The following DPYSL3 variants were observed in gnomAD, a reference collection of about 807,000 sequenced individuals.
DPYSL3 encodes the protein dihydropyrimidinase like 3, also known as dihydropyrimidinase-related protein 3.
Under a neutral mutation model 66.1 loss-of-function variants are expected in DPYSL3, and 16 were observed. The observed-to-expected ratio is 0.24, with a 90% CI of 0.16 to 0.37. The LOEUF is 0.37. Among genes scored for constraint, DPYSL3 ranks in the 10% least tolerant of loss-of-function variants. DPYSL3 has a pLI of 1.00. For synonymous variants in DPYSL3, 338 were observed against 345.1 expected, an observed-to-expected ratio of 0.98 and a Z score of 0.23; for missense variants, 738 against 916.2, an observed-to-expected ratio of 0.81 and a Z score of 2.51.
chr5:147,505,297 T>C (rs151145874), intron 1 of DPYSL3, among the ~76,000 whole-genome samples: 1,783 of 151,438 alleles, frequency 0.012, 49 homozygotes, highest in African/African-American at 0.041. Context: ...TGCCATGGCG[T>C]GATCTTGGCT....
intron 12 of DPYSL3, among the ~76,000 whole-genome samples, chr5:147,396,575 G>A (rs192473107): frequency 5.0e-4 from 76 of 152,266 alleles, no homozygotes; most frequent in African/African-American, 1.7e-3. Context: ...CCCTGTTAGT[G>A]ACTCAAATGC....
chr5:147,457,966 A>T (rs958879466), intron 1 of DPYSL3, among the ~76,000 whole-genome samples: 7 of 152,150 alleles, frequency 4.6e-5, no homozygotes, highest in African/African-American at 1.7e-4. Context: ...ATCAGCTAAG[A>T]CCATCTAGGA....
At chr5:147,411,687 A>C (rs1751855531) in intron 6 of DPYSL3, among the ~76,000 whole-genome samples, 5 of 152,294 alleles carry the variant, frequency 3.3e-5, no homozygotes, top group African/African-American at 1.2e-4. Context: ...TAATGGTCCG[A>C]GATGAGGGGA....
chr5:147,463,751 C>T (rs146290976), intron 1 of DPYSL3, among the ~76,000 whole-genome samples: 3 of 152,160 alleles, frequency 2.0e-5, no homozygotes, highest in African/African-American at 4.8e-5. Context: ...GTCAAATGTC[C>T]GTCATGCCAG....
At chr5:147,437,597 G>A (rs781585400) in intron 1 of DPYSL3, among the ~76,000 whole-genome samples, 2 of 152,194 alleles carry the variant, frequency 1.3e-5, no homozygotes, top group Non-Finnish European at 1.5e-5. Context: ...AGGGCCCCAT[G>A]GAGAGTGTGG....
intron 4 of DPYSL3, 77 bp downstream of exon 4, chr5:147,415,632 T>A: frequency 1.3e-6 from 2 of 1,537,912 alleles, no homozygotes; most frequent in Non-Finnish European, 1.8e-6. Flanking sequence ...AGACAGTGAC[T>A]GAAATGAGTG....
intron 1 of DPYSL3, among the ~76,000 whole-genome samples, chr5:147,489,009 T>G (rs918001013): frequency 6.6e-6 from 1 of 150,432 alleles, no homozygotes; most frequent in Non-Finnish European, 1.5e-5. Context: ...GAGTGAGACT[T>G]CATCTAAAAA....
intron 1 of DPYSL3, among the ~76,000 whole-genome samples, chr5:147,432,566 C>T (rs541822600): frequency 2.0e-5 from 3 of 152,248 alleles, no homozygotes; most frequent in South Asian, 4.1e-4. Context: ...GTTCCAGACA[C>T]AGATAAGTAC....
At chr5:147,480,591 T>C (rs1001172332) in intron 1 of DPYSL3, among the ~76,000 whole-genome samples, 1 of 152,026 alleles carries the variant, frequency 6.6e-6, no homozygotes, top group Admixed American at 6.6e-5. Context: ...ACCCAGGTTT[T>C]CCACAGAAGT....
At position 147,462,976 on chromosome 5, in the gene DPYSL3, C is replaced by A. The variant is rs544418218; in HGVS notation, c.382-38013G>T. On this transcript the variant is annotated intron_variant, in intron 1 of 13. Transcript: ENST00000343218. Reference sequence around the variant, plus strand: ...CAAGTGACCACGCAGCCACAAATGCCCAGCACAAGGTTCTGTCAGGTTCAA... The same window carrying A: ...CAAGTGACCACGCAGCCACAAATGCACAGCACAAGGTTCTGTCAGGTTCAA... 2.0e-5 allele frequency among the ~76,000 whole-genome samples: 3 copies of A among 152,210 alleles called. No individual in the cohort carries two copies. The East Asian group carries it at 5.8e-4, about 29-fold the overall frequency.
intron 1 of DPYSL3, among the ~76,000 whole-genome samples, chr5:147,481,607 T>G (rs1160359456): frequency 6.6e-6 from 1 of 152,232 alleles, no homozygotes; most frequent in African/African-American, 2.4e-5. Flanking sequence ...ACGTAATCCC[T>G]AATGCAACAG....
At chr5:147,429,744 C>G in intron 1 of DPYSL3, among the ~76,000 whole-genome samples, 1 of 152,104 alleles carries the variant, frequency 6.6e-6, no homozygotes, top group East Asian at 1.9e-4. Context: ...GACACCGTAC[C>G]AAGTGTCTTT....
intron 4 of DPYSL3, among the ~76,000 whole-genome samples, chr5:147,414,804 C>T (rs1751928912): frequency 1.3e-5 from 2 of 151,958 alleles, no homozygotes. Context: ...TCATCCTTTC[C>T]CTGCCATCCC....
intron 1 of DPYSL3, chr5:147,453,805 C>A: frequency 8.2e-7 from 1 of 1,225,840 alleles, no homozygotes; most frequent in East Asian, 3.2e-5. Flanking sequence ...CCCCCGCCCC[C>A]CCACGCACAC....
chr5:147,405,950 A>G, intron 7 of DPYSL3: 2 of 440,766 alleles, frequency 4.5e-6, no homozygotes, highest in Non-Finnish European at 8.0e-6. Context: ...CTAGTAAAAT[A>G]GTATAGCACA....
chr5:147,450,823 A>G (rs1752714510), intron 1 of DPYSL3, among the ~76,000 whole-genome samples: 2 of 152,350 alleles, frequency 1.3e-5, no homozygotes, highest in South Asian at 4.1e-4. Context: ...TAGTCCTCAG[A>G]TTGTAGTGAC....
At chr5:147,496,412 A>T (rs1451555715) in intron 1 of DPYSL3, among the ~76,000 whole-genome samples, 1 of 152,212 alleles carries the variant, frequency 6.6e-6, no homozygotes, top group Non-Finnish European at 1.5e-5. Flanking sequence ...ATCTAATTAA[A>T]CTAAAGAGCT....
chr5:147,395,237 G>A lies in DPYSL3; in HGVS notation c.1966+322C>T, dbSNP rs551405765. ...ATACTATGTTGCATAGCGCTCATAG[G>A]CTAATGCTGGAAATCACTATCAATT... On this transcript the variant is annotated intron_variant, in intron 13 of 13. Transcript: ENST00000343218. Among the ~76,000 whole-genome samples, 5 of 152,312 alleles carry A rather than the reference G, an allele frequency of 3.3e-5. No homozygotes were observed. The South Asian group carries it at 8.3e-4, about 25-fold the overall frequency.
intron 1 of DPYSL3, among the ~76,000 whole-genome samples, chr5:147,456,229 C>T (rs1479108890): frequency 1.3e-5 from 2 of 152,178 alleles, no homozygotes; most frequent in Non-Finnish European, 2.9e-5. Context: ...CAGCCATCAA[C>T]ACAGGATGCC....
Sources: allele counts gnomAD v4.1 joint callset (sites outside exome capture counted in the v4.1 genomes callset), GRCh38; gene constraint gnomAD v4.1.1; transcripts MANE v1.5; gene names NCBI Gene and HGNC (gene_info 2026-07-23, HGNC 2026-07-21).